ALG6: variants seen among roughly 807,000 people sequenced by gnomAD.
ALG6 encodes ALG6 alpha-1,3-glucosyltransferase, also known as dolichyl pyrophosphate Man9GlcNAc2 alpha-1,3-glucosyltransferase.
In ALG6, 46 loss-of-function variants were observed where a neutral mutation model predicts 66.6. The observed-to-expected ratio is 0.69, with a 90% CI of 0.55 to 0.88. The LOEUF is 0.88. Among genes scored for constraint, ALG6 ranks in the 40% least tolerant of loss-of-function variants. The pLI, the probability that ALG6 is intolerant of heterozygous loss-of-function variation, is 0.00. For synonymous variants in ALG6, 185 were observed against 203.7 expected (o/e 0.91, Z 0.78); for missense variants, 505 against 586.8 (o/e 0.86, Z 1.44).
intron 12 of ALG6, among the ~76,000 whole-genome samples, chr1:63,422,432 A>AAT (rs1248688953): frequency 0.022 from 519 of 23,958 alleles, 53 homozygotes; most frequent in Non-Finnish European, 0.024. Flanking sequence ...TATAAATATA[A>AAT]ATATATATAT....
At chr1:63,428,843 G>A in intron 13 of ALG6, 42 bp downstream of exon 13, 1 of 1,586,606 alleles carries the variant, frequency 6.3e-7, no homozygotes, top group Non-Finnish European at 8.6e-7. Context: ...TATAATTCTT[G>A]TAAACTAATT....
chr1:63,382,686 T>G (rs1227334204), intron 2 of ALG6, among the ~76,000 whole-genome samples: 1 of 85,818 alleles, frequency 1.2e-5, no homozygotes, highest in African/African-American at 5.0e-5. Context: ...TTTGTTTTTT[T>G]TTTTTTTGAG....
intron 9 of ALG6, 150 bp downstream of exon 9, chr1:63,412,211 T>C: frequency 7.7e-7 from 1 of 1,297,344 alleles, no homozygotes; most frequent in Non-Finnish European, 1.1e-6. Flanking sequence ...GATTAATTGA[T>C]TGGTTGAGAC....
chr1:63,412,950 A>G (rs906332410), intron 9 of ALG6, among the ~76,000 whole-genome samples: 34 of 152,202 alleles, frequency 2.2e-4, no homozygotes, highest in Non-Finnish European at 5.9e-5. Context: ...TGGAACCAGC[A>G]TTTTGAAAGC....
At chr1:63,375,410 ATTTTTTT>A (rs766565038) in intron 2 of ALG6, among the ~76,000 whole-genome samples, 11 of 77,068 alleles carry the variant, frequency 1.4e-4, no homozygotes, top group African/African-American at 3.0e-4. Context: ...CACCCCCGGC[ATTTTTTT>A]TTTTTTTTTT....
intron 12 of ALG6, among the ~76,000 whole-genome samples, chr1:63,424,225 C>T (rs1644603347): frequency 6.6e-6 from 1 of 152,172 alleles, no homozygotes; most frequent in African/African-American, 2.4e-5. Context: ...ACTGCAACCT[C>T]CGCCTCCCGG....
intron 4 of ALG6, 52 bp from the exon 5 acceptor site, chr1:63,404,401 T>C: frequency 7.2e-7 from 1 of 1,383,814 alleles, no homozygotes; most frequent in Non-Finnish European, 1.0e-6. Context: ...AATATCTTTA[T>C]TGCTAAAAGG....
intron 14 of ALG6, 23 bp from the exon 15 acceptor site, chr1:63,436,799 CA>C: frequency 6.2e-7 from 1 of 1,608,034 alleles, no homozygotes; most frequent in Non-Finnish European, 8.5e-7. Context: ...TTATACTACT[CA>C]GTAATCCTTT....
At chr1:63,402,460 ATTTTTTTTTTTTTT>A (rs760751565) in intron 4 of ALG6, 117 bp downstream of exon 4, 12 of 262,788 alleles carry the variant, frequency 4.6e-5, no homozygotes, top group Non-Finnish European at 6.4e-5. Context: ...CTGCTATTGT[ATTTTTTTTTTTTTT>A]TTTTTTTTTT....
rs1473749450 is a variant in ALG6, at chr1:63,419,390, C to G, written c.1008C>G (p.Phe336Leu). The G allele has an allele frequency of 1.2e-6, 2 of 1,609,574 alleles. No individual in the cohort carries two copies. Among genetic ancestry groups the G allele is most frequent in the Admixed American group, 1.7e-5 (1 of 59,754 alleles). The change falls in exon 12 of 15, where the codon TTC becomes TTG. Residue 336 changes from phenylalanine to leucine, a missense_variant. Physicochemically the swap from Phe to Leu is conservative, Grantham distance 22 (BLOSUM62 0). Transcript: ENST00000263440. Reference protein sequence around the residue: ...KFTLVSCALSFFLFSFQVHEK... With the variant: ...KFTLVSCALSLFLFSFQVHEK... ...TAAAGGTTAGCTGTGCGCTATCATT[C>G]TTTTTATTTTCTTTCCAAGTACATG...
At position 63,436,939 on chromosome 1, in the gene ALG6, C is replaced by T. The variant is rs1057524080; in HGVS notation, c.1443C>T (p.Asn481=). Residue 481 remains asparagine, a synonymous_variant, in exon 15 of 15, where the codon AAC becomes AAT. Transcript: ENST00000263440. ...SVLVCFVSCL[N]FLFFLVYFNI... is the part of the protein sequence containing the mutation. Reference sequence around the variant, plus strand: ...TGGTGTGTTTTGTATCTTGCTTGAACTTCCTGTTCTTCTTGGTATACTTTA... The same window carrying T: ...TGGTGTGTTTTGTATCTTGCTTGAATTTCCTGTTCTTCTTGGTATACTTTA... 1 of 1,613,758 alleles carries T rather than the reference C, an allele frequency of 6.2e-7. No homozygotes were observed. Among genetic ancestry groups the T allele is most frequent in the Non-Finnish European group, 8.5e-7 (1 of 1,179,756 alleles).
intron 14 of ALG6, among the ~76,000 whole-genome samples, chr1:63,435,821 T>C (rs1207905524): frequency 6.6e-6 from 1 of 152,196 alleles, no homozygotes; most frequent in African/African-American, 2.4e-5. Context: ...GCAGCTACTA[T>C]ACTGGAGTGC....
chr1:63,393,535 G>C (rs577824060), intron 2 of ALG6, among the ~76,000 whole-genome samples: 2 of 152,290 alleles, frequency 1.3e-5, no homozygotes, highest in Admixed American at 6.5e-5. Context: ...AATTTATGAA[G>C]GAAGGCTTCA....
intron 3 of ALG6, among the ~76,000 whole-genome samples, chr1:63,400,382 T>A (rs942641213): frequency 1.4e-5 from 2 of 139,120 alleles, no homozygotes; most frequent in East Asian, 4.0e-4. Flanking sequence ...TATATATATA[T>A]AAAATATAAA....
chr1:63,403,724 A>T (rs535219762), intron 4 of ALG6, among the ~76,000 whole-genome samples: 2 of 152,286 alleles, frequency 1.3e-5, no homozygotes, highest in Admixed American at 6.5e-5. Flanking sequence ...TTCCTAGGCT[A>T]CAAACCTGTA....
At chr1:63,376,313 A>G (rs1271222890) in intron 2 of ALG6, among the ~76,000 whole-genome samples, 3 of 152,180 alleles carry the variant, frequency 2.0e-5, no homozygotes, top group South Asian at 4.1e-4. Context: ...TGATTATCTT[A>G]TGGGACCATC....
At chr1:63,436,709 T>C in intron 14 of ALG6, 114 bp from the exon 15 acceptor site, 1 of 1,012,652 alleles carries the variant, frequency 9.9e-7, no homozygotes, top group Non-Finnish European at 1.5e-6. Context: ...CAGAATAAAT[T>C]AGACCCTCAA....
intron 2 of ALG6, among the ~76,000 whole-genome samples, chr1:63,373,348 A>T (rs1200822591): frequency 1.4e-5 from 2 of 148,112 alleles, no homozygotes; most frequent in East Asian, 2.1e-4. Flanking sequence ...CTCTTAAAAC[A>T]TTTTTTTTTG....
Position 63,428,773 on chromosome 1 carries a change from A to T in ALG6, c.1099A>T (p.Thr367Ser). 6.2e-7 allele frequency: 1 copy of T among 1,609,902 alleles called. No homozygotes were observed. Among genetic ancestry groups the T allele is most frequent in the Non-Finnish European group, 8.5e-7 (1 of 1,177,322 alleles). The change falls in exon 13 of 15, where the codon ACT becomes TCT. Residue 367 changes from threonine to serine, a missense_variant. Physicochemically the swap from Thr to Ser is moderately conservative, Grantham distance 58. Coordinates refer to ENST00000263440, the MANE Select transcript of ALG6 (RefSeq NM_013339.4). ...TTTAAGTGAAATTCCTTTTATGTCT[A>T]CTTGGTTTTTACTTGTGTCAACATT... Reference protein sequence around the residue: ...LVLSEIPFMSTWFLLVSTFSM... With the variant: ...LVLSEIPFMSSWFLLVSTFSM...
Sources: allele counts gnomAD v4.1 joint callset (sites outside exome capture counted in the v4.1 genomes callset), GRCh38; gene constraint gnomAD v4.1.1; transcripts MANE v1.5; gene names NCBI Gene and HGNC (gene_info 2026-07-23, HGNC 2026-07-21).